TMEM131: variants seen among roughly 807,000 people sequenced by gnomAD.
TMEM131 encodes 2610524E03Rik.
TMEM131 carries 66 observed loss-of-function variants against 211.6 expected under a neutral mutation model. The observed-to-expected ratio is 0.31, with a 90% CI of 0.26 to 0.38. The LOEUF is 0.38. TMEM131 is among the 10% of genes least tolerant of loss of function. The pLI, the probability that TMEM131 is intolerant of heterozygous loss-of-function variation, is 1.00. For synonymous variants in TMEM131, 844 were observed against 841.3 expected (o/e 1.00, Z -0.06); for missense variants, 2,036 against 2,299.3 (o/e 0.89, Z 2.34).
At chr2:97,847,105 CTTG>C (rs1228400937) in intron 5 of TMEM131, among the ~76,000 whole-genome samples, 2 of 117,542 alleles carry the variant, frequency 1.7e-5, no homozygotes, top group African/African-American at 6.3e-5. Flanking sequence ...AGGAGAGTCG[CTTG>C]AACCCGGGAG....
At position 97,812,487 on chromosome 2, in the gene TMEM131, G is replaced by T; in HGVS notation, c.1797C>A (p.Gly599=). 1 of 1,612,798 alleles carries T rather than the reference G, an allele frequency of 6.2e-7. No individual in the cohort carries two copies. The highest frequency in any genetic ancestry group is 1.3e-5 in the African/African-American group (1 of 74,944). Residue 599 remains glycine, a synonymous_variant, in exon 17 of 41, where the codon GGC becomes GGA. Coordinates refer to ENST00000186436, the MANE Select transcript of TMEM131 (RefSeq NM_015348.2). ...LSIELVAVER[G]NRTTIISSLP... Reference sequence around the variant, plus strand: ...GGCTTGAAATTATTGTAGTTCTATTGCCTCTTTCCACAGCTACAAGTTCTA... The same window carrying T: ...GGCTTGAAATTATTGTAGTTCTATTTCCTCTTTCCACAGCTACAAGTTCTA...
intron 7 of TMEM131, among the ~76,000 whole-genome samples, chr2:97,839,397 A>G (rs1434150771): frequency 6.6e-6 from 1 of 152,214 alleles, no homozygotes; most frequent in Non-Finnish European, 1.5e-5. Context: ...TCGCCTACTG[A>G]TAACAGAGAA....
intron 1 of TMEM131, among the ~76,000 whole-genome samples, chr2:97,930,671 TAC>T (rs1677181870): frequency 6.6e-6 from 1 of 151,792 alleles, no homozygotes; most frequent in Non-Finnish European, 1.5e-5. Flanking sequence ...GAACACTAGA[TAC>T]AGACTTAATC....
At chr2:97,830,144 A>AAC (rs1454160043) in intron 11 of TMEM131, among the ~76,000 whole-genome samples, 1 of 150,252 alleles carries the variant, frequency 6.7e-6, no homozygotes, top group Non-Finnish European at 1.5e-5. Context: ...AAAAAAAAAA[A>AAC]AAAAAAAAAA....
intron 4 of TMEM131, among the ~76,000 whole-genome samples, chr2:97,876,672 C>T (rs2104163493): frequency 6.6e-6 from 1 of 152,252 alleles, no homozygotes; most frequent in South Asian, 2.1e-4. Context: ...TAAAAACTGT[C>T]AATAAACTAG....
At chr2:97,992,779 A>AT (rs1356107295) in intron 1 of TMEM131, among the ~76,000 whole-genome samples, 1 of 152,174 alleles carries the variant, frequency 6.6e-6, no homozygotes, top group African/African-American at 2.4e-5. Context: ...ACTCACACAC[A>AT]TTTTTGCTAT....
intron 11 of TMEM131, among the ~76,000 whole-genome samples, chr2:97,821,912 C>G (rs572503549): frequency 6.6e-6 from 1 of 152,262 alleles, no homozygotes; most frequent in African/African-American, 2.4e-5. Context: ...CTGGGCTGAG[C>G]TGAGGGTCAA....
At position 97,798,410 on chromosome 2, in the gene TMEM131, A is replaced by G. The variant is rs1680871209; in HGVS notation, c.2719-894T>C. On this transcript the variant is annotated intron_variant, in intron 25 of 40. Transcript: ENST00000186436. ...GAGGGTGCATTTTGTATTGTTTTCTACTCCCCCTGGCATAGATCGGTGTGT... is the reference window on the plus strand; with the variant it reads ...GAGGGTGCATTTTGTATTGTTTTCTGCTCCCCCTGGCATAGATCGGTGTGT... Among the ~76,000 whole-genome samples the G allele has an allele frequency of 7.9e-5, 12 of 152,044 alleles. No homozygotes were observed. In the South Asian group the frequency reaches 2.5e-3, roughly 32 times the overall value.
rs185888776 is a variant in TMEM131 at position 97,895,428 on chromosome 2, G to A, written c.291-7308C>T. ...CTCTCTTTTTCTATTGATTGGAATA[G>A]TTTCAGAAGGAATGGTACCAGCTCC... is the stretch of plus-strand genomic sequence containing the variant. On this transcript the variant is annotated intron_variant, in intron 3 of 40. Transcript: ENST00000186436. 6.6e-4 allele frequency among the ~76,000 whole-genome samples: 100 copies of A among 152,280 alleles called. No individual in the cohort carries two copies. In the South Asian group the frequency reaches 0.013, roughly 20 times the overall value.
chr2:97,927,557 T>C (rs1361979655), intron 1 of TMEM131, 70 bp from the exon 2 acceptor site: 6 of 1,226,982 alleles, frequency 4.9e-6, no homozygotes, highest in Non-Finnish European at 6.6e-6. Context: ...TCTTTGACTT[T>C]AAAGTTAATT....
intron 40 of TMEM131, 127 bp downstream of exon 40, chr2:97,758,766 C>T: frequency 7.9e-7 from 1 of 1,263,646 alleles, no homozygotes; most frequent in African/African-American, 1.5e-5. Flanking sequence ...AATAAAAGTA[C>T]TAACCCACCC....
intron 1 of TMEM131, among the ~76,000 whole-genome samples, chr2:97,969,015 C>T (rs190962926): frequency 3.3e-5 from 5 of 150,014 alleles, no homozygotes; most frequent in Admixed American, 3.3e-4. Context: ...CCTAGGAGAT[C>T]GAGGCTGCAG....
intron 2 of TMEM131, among the ~76,000 whole-genome samples, chr2:97,914,821 A>T (rs1049282366): frequency 2.0e-5 from 3 of 152,260 alleles, no homozygotes; most frequent in African/African-American, 4.8e-5. Flanking sequence ...TATTATAAAC[A>T]GAGCTGCTAT....
chr2:97,976,655 T>C lies in TMEM131; in HGVS notation c.187+18821A>G, dbSNP rs910078812. Among the ~76,000 whole-genome samples the C allele has an allele frequency of 1.1e-3, 171 of 152,166 alleles. 2 individuals carry two copies. The highest frequency in any genetic ancestry group is 3.2e-4 in the Non-Finnish European group (22 of 68,014). ...GGCTCTGTTGTACAAATTGATAAGC[T>C]GATTCTAAAATTCATAATGAAATGT... On this transcript the variant is annotated intron_variant, in intron 1 of 40. Transcript: ENST00000186436.
intron 4 of TMEM131, among the ~76,000 whole-genome samples, chr2:97,879,388 A>G (rs1002989034): frequency 1.3e-5 from 2 of 152,208 alleles, no homozygotes; most frequent in Middle Eastern, 3.2e-3. Context: ...CAGTATTCCA[A>G]TATATTATCA....
chr2:97,887,321 G>C (rs998246263), intron 4 of TMEM131, among the ~76,000 whole-genome samples: 2 of 152,156 alleles, frequency 1.3e-5, no homozygotes, highest in African/African-American at 4.8e-5. Context: ...GCCTGACACA[G>C]GCACAGAGAT....
At chr2:97,827,613 T>C in intron 11 of TMEM131, 2 of 945,650 alleles carry the variant, frequency 2.1e-6, no homozygotes, top group Non-Finnish European at 1.7e-6. Context: ...CAGAGGAATA[T>C]TTTTATCAAC....
At chr2:97,972,502 GGGCA>G (rs569396801) in intron 1 of TMEM131, among the ~76,000 whole-genome samples, 117 of 150,686 alleles carry the variant, frequency 7.8e-4, no homozygotes, top group Admixed American at 2.1e-3. Context: ...GCAGGCAGGC[GGGCA>G]GGCAGGCAGG....
intron 4 of TMEM131, among the ~76,000 whole-genome samples, chr2:97,872,717 G>A (rs903167182): frequency 5.3e-5 from 8 of 152,224 alleles, no homozygotes; most frequent in South Asian, 4.1e-4. Flanking sequence ...CAGATACTGC[G>A]CTTGTCCCAT....
Sources: allele counts gnomAD v4.1 joint callset (sites outside exome capture counted in the v4.1 genomes callset), GRCh38; gene constraint gnomAD v4.1.1; transcripts MANE v1.5; gene names NCBI Gene and HGNC (gene_info 2026-07-23, HGNC 2026-07-21).